The following PKIB variants were observed in gnomAD, a reference collection of about 807,000 sequenced individuals.
PKIB encodes the protein cAMP-dependent protein kinase inhibitor beta.
Under a neutral mutation model 4.5 loss-of-function variants are expected in PKIB, and 2 were observed. That is an observed-to-expected ratio of 0.44 (90% CI 0.18 to 1.39). The LOEUF is 1.39. Among genes scored for constraint, PKIB ranks in the 40% most tolerant of loss-of-function variants. PKIB has a pLI of 0.27. For missense variants in PKIB, 94 were observed against 92.6 expected (o/e 1.02, Z -0.06); for synonymous variants, 38 against 36.0 (o/e 1.06, Z -0.20).
intron 3 of PKIB, 33 bp from the exon 4 acceptor site, chr6:122,717,754 C>T (rs1269042400): frequency 2.5e-6 from 4 of 1,605,768 alleles, no homozygotes; most frequent in Non-Finnish European, 3.4e-6. Context: ...TCTGAATAGG[C>T]TCATCTTCTT....
At chr6:122,662,794 T>C (rs139469070) in intron 2 of PKIB, among the ~76,000 whole-genome samples, 223 of 152,198 alleles carry the variant, frequency 1.5e-3, no homozygotes, top group African/African-American at 5.1e-3. Flanking sequence ...TAAACTGAAG[T>C]TTAGAGAGGG....
chr6:122,684,480 G>A (rs1052262168), intron 3 of PKIB, among the ~76,000 whole-genome samples: 4 of 151,848 alleles, frequency 2.6e-5, no homozygotes, highest in African/African-American at 9.7e-5. Context: ...ACAGAGGCTG[G>A]GCCTTTTACC....
At chr6:122,631,882 G>A (rs1195187042) in intron 1 of PKIB, among the ~76,000 whole-genome samples, 5 of 152,212 alleles carry the variant, frequency 3.3e-5, no homozygotes, top group African/African-American at 1.2e-4. Flanking sequence ...ACATAATGAT[G>A]TTGACATTTG....
rs75000320 is a variant in PKIB at position 122,577,185 on chromosome 6, A to T, written c.-247-8736A>T. The stretch of plus-strand genomic sequence containing the variant: ...GGGCCACTGGTGGCTTGATTTCAGC[A>T]TTTAGCCAAATAGTATCATACGCAG... On this transcript the variant is annotated intron_variant, in intron 2 of 6. Transcript: ENST00000392491. 4.6e-5 allele frequency among the ~76,000 whole-genome samples: 7 copies of T among 152,326 alleles called. No individual in the cohort carries two copies. The East Asian group carries it at 1.4e-3, about 29-fold the overall frequency.
intron 2 of PKIB, among the ~76,000 whole-genome samples, chr6:122,572,812 TAAAAA>T (rs1168213649): frequency 6.6e-6 from 1 of 151,616 alleles, no homozygotes; most frequent in African/African-American, 2.4e-5. Flanking sequence ...ACTACAGAAA[TAAAAA>T]AATAACATTC....
chr6:122,656,166 A>G (rs1294954674), intron 2 of PKIB, among the ~76,000 whole-genome samples: 2 of 152,204 alleles, frequency 1.3e-5, no homozygotes, highest in Non-Finnish European at 2.9e-5. Flanking sequence ...CAACTATTGT[A>G]TGCACCAGTA....
At chr6:122,570,570 A>G (rs182732854) in intron 2 of PKIB, among the ~76,000 whole-genome samples, 6 of 152,310 alleles carry the variant, frequency 3.9e-5, no homozygotes, top group East Asian at 3.9e-4. Flanking sequence ...CCCACACACC[A>G]TGAACATAAC....
chr6:122,639,235 C>T (rs543721978), intron 2 of PKIB, among the ~76,000 whole-genome samples: 29 of 152,052 alleles, frequency 1.9e-4, no homozygotes, highest in African/African-American at 3.6e-4. Context: ...AGTGAATTCT[C>T]GAGGGGAAAA....
chr6:122,648,177 C>T (rs2566834), intron 2 of PKIB, among the ~76,000 whole-genome samples: 150,242 of 152,318 alleles, frequency 0.99, 74,120 homozygotes, highest in Middle Eastern at 1. Context: ...TTCAGTGGAA[C>T]CCTTTCGTCT....
intron 2 of PKIB, among the ~76,000 whole-genome samples, chr6:122,578,364 C>T (rs1489631775): frequency 6.6e-6 from 1 of 151,994 alleles, no homozygotes; most frequent in Non-Finnish European, 1.5e-5. Context: ...TTTTATTTAA[C>T]CTTTCCTTTT....
intron 1 of PKIB, among the ~76,000 whole-genome samples, chr6:122,619,322 A>G (rs1351400635): frequency 6.6e-6 from 1 of 152,142 alleles, no homozygotes; most frequent in Admixed American, 6.6e-5. Context: ...AGTACTTTTT[A>G]CATCTTTTGT....
At chr6:122,696,731 C>T (rs985935242) in intron 3 of PKIB, among the ~76,000 whole-genome samples, 2 of 152,200 alleles carry the variant, frequency 1.3e-5, no homozygotes, top group African/African-American at 4.8e-5. Flanking sequence ...GCACATATCT[C>T]TACCTGAGGT....
At chr6:122,681,393 T>C (rs1284121587) in intron 3 of PKIB, among the ~76,000 whole-genome samples, 4 of 152,214 alleles carry the variant, frequency 2.6e-5, no homozygotes, top group Admixed American at 2.0e-4. Context: ...AATTACTTTT[T>C]AGAATTCAGA....
intron 3 of PKIB, among the ~76,000 whole-genome samples, chr6:122,685,278 A>C (rs2114984537): frequency 6.6e-6 from 1 of 152,338 alleles, no homozygotes; most frequent in Non-Finnish European, 1.5e-5. Context: ...TAAGCAATAG[A>C]GATAAGAATG....
chr6:122,580,490 T>A (rs1773670581), intron 2 of PKIB, among the ~76,000 whole-genome samples: 1 of 152,172 alleles, frequency 6.6e-6, no homozygotes, highest in African/African-American at 2.4e-5. Flanking sequence ...ATGCTTTTTC[T>A]CATTCTCTTC....
At chr6:122,557,453 C>T (rs1377160298) in intron 2 of PKIB, among the ~76,000 whole-genome samples, 1 of 152,124 alleles carries the variant, frequency 6.6e-6, no homozygotes, top group African/African-American at 2.4e-5. Flanking sequence ...AAGCTGAGAA[C>T]CGTATTTCCC....
At chr6:122,599,270 T>C (rs1034190671) in intron 3 of PKIB, among the ~76,000 whole-genome samples, 18 of 152,162 alleles carry the variant, frequency 1.2e-4, no homozygotes, top group African/African-American at 4.3e-4. Flanking sequence ...GGGGAAGCTG[T>C]TTCTTCTGGC....
intron 2 of PKIB, among the ~76,000 whole-genome samples, chr6:122,510,584 A>G (rs1221521291): frequency 6.6e-6 from 1 of 152,204 alleles, no homozygotes; most frequent in African/African-American, 2.4e-5. Context: ...TAAGGCTCCC[A>G]TTGGTTGAAT....
intron 2 of PKIB, among the ~76,000 whole-genome samples, chr6:122,513,272 A>C (rs1776643634): frequency 1.3e-5 from 2 of 152,098 alleles, no homozygotes; most frequent in East Asian, 3.9e-4. Context: ...TGACCAGTGA[A>C]ATGTGAGCAG....
Sources: gnomAD v4.1 joint callset for allele counts (sites outside exome capture counted in the v4.1 genomes callset) on GRCh38, gnomAD v4.1.1 for gene constraint, MANE v1.5 for transcripts, NCBI Gene and HGNC (gene_info 2026-07-23, HGNC 2026-07-21) for gene names.